TNS3: variants seen among roughly 807,000 people sequenced by gnomAD.
TNS3 encodes tensin 3, also known as tensin-3.
TNS3 carries 45 observed loss-of-function variants against 140.9 expected under a neutral mutation model. The observed-to-expected ratio is 0.32, with a 90% CI of 0.25 to 0.41. TNS3 has a LOEUF of 0.41. Ranked by LOEUF, TNS3 falls within the 10% of genes least tolerant of loss-of-function variation. TNS3 has a pLI of 1.00. For missense variants in TNS3, 1,716 were observed against 1,906.7 expected (o/e 0.90, Z 1.86); for synonymous variants, 815 against 788.4 (o/e 1.03, Z -0.56).
In TNS3 at chr7:47,439,509, G is replaced by A. The variant is rs1419882680; in HGVS notation, c.128C>T (p.Ser43Phe). 1 of 1,613,780 alleles carries A rather than the reference G, an allele frequency of 6.2e-7. No individual in the cohort carries two copies. The highest frequency in any genetic ancestry group is 1.3e-5 in the African/African-American group (1 of 74,908). ...NLQEVTRMLK[S>F]KHGDNYLVLN... ...CACCAGGTAGTTGTCCCCGTGCTTGGACTTGAGCATGCGCGTGACCTCCTG... is the reference window on the plus strand; with the variant it reads ...CACCAGGTAGTTGTCCCCGTGCTTGAACTTGAGCATGCGCGTGACCTCCTG... Residue 43 changes from serine (S) to phenylalanine (F), a missense_variant, in exon 6 of 31, where the codon TCC becomes TTC. Coordinates refer to ENST00000311160, the MANE Select transcript of TNS3 (RefSeq NM_022748.12).
intron 8 of TNS3, among the ~76,000 whole-genome samples, chr7:47,430,948 C>A (rs1306428116): frequency 6.6e-6 from 1 of 152,020 alleles, no homozygotes; most frequent in Non-Finnish European, 1.5e-5. Context: ...GTCTCGAACT[C>A]CTGACCTCAG....
At chr7:47,288,181 G>A (rs1428520149) in intron 27 of TNS3, among the ~76,000 whole-genome samples, 2 of 152,148 alleles carry the variant, frequency 1.3e-5, no homozygotes, top group African/African-American at 2.4e-5. Flanking sequence ...GAGACAATAT[G>A]GGCACAGCTG....
Position 47,303,231 on chromosome 7 carries a change from C to T in TNS3, c.3176G>A (p.Gly1059Glu), listed in dbSNP as rs757840955. The change falls in exon 22 of 31, where the codon GGG becomes GAG. Residue 1059 changes from glycine to glutamate, a missense_variant. Gly to Glu is a moderately conservative substitution (Grantham distance 98). This residue lies in a region of TNS3 where 1,163 missense variants were observed against 1,182.1 expected (regional missense o/e 0.98). Transcript: ENST00000311160. Reference sequence around the variant, plus strand: ...GGACAGGAAGCCATTGTCGGCAGCCCCTGTCGCTGTCAGCGGGATGCTGGG... The same window carrying T: ...GGACAGGAAGCCATTGTCGGCAGCCTCTGTCGCTGTCAGCGGGATGCTGGG... Reference protein sequence around the residue: ...PTPSIPLTATGAADNGFLSHN... With the variant: ...PTPSIPLTATEAADNGFLSHN... 6.2e-7 allele frequency: 1 copy of T among 1,613,776 alleles called. No homozygotes were observed. Among genetic ancestry groups the T allele is most frequent in the East Asian group, 2.2e-5 (1 of 44,868 alleles).
intron 20 of TNS3, among the ~76,000 whole-genome samples, chr7:47,306,319 C>G (rs927506761): frequency 6.6e-5 from 10 of 152,176 alleles, no homozygotes; most frequent in African/African-American, 2.2e-4. Context: ...CCTCCACATA[C>G]AGGATGTAAT....
At chr7:47,548,054 T>C (rs670704) in intron 1 of TNS3, among the ~76,000 whole-genome samples, 150,087 of 152,290 alleles carry the variant, frequency 0.99, 73,984 homozygotes, top group East Asian at 1. Context: ...GCATGCACCA[T>C]CACACCCGGC....
chr7:47,441,845 G>A (rs1795480532), intron 5 of TNS3, among the ~76,000 whole-genome samples, 158 bp downstream of exon 5: 1 of 152,150 alleles, frequency 6.6e-6, no homozygotes, highest in African/African-American at 2.4e-5. Context: ...GAAACGGACA[G>A]AAAACCTGGC....
intron 1 of TNS3, among the ~76,000 whole-genome samples, chr7:47,530,014 A>G (rs751429339): frequency 1.4e-4 from 22 of 152,254 alleles, no homozygotes; most frequent in Admixed American, 2.6e-4. Flanking sequence ...ATTTCTTATA[A>G]ACTTAAACAT....
chr7:47,341,504 A>G (rs1261466693), intron 20 of TNS3, among the ~76,000 whole-genome samples: 5 of 152,154 alleles, frequency 3.3e-5, no homozygotes, highest in South Asian at 4.2e-4. Flanking sequence ...TAAGTTTTAA[A>G]AACTATGCAT....
At chr7:47,453,858 G>A (rs1017634059) in intron 4 of TNS3, among the ~76,000 whole-genome samples, 6 of 152,196 alleles carry the variant, frequency 3.9e-5, no homozygotes, top group East Asian at 1.9e-4. Flanking sequence ...TGGCCAGCCC[G>A]GGCCACATCG....
chr7:47,291,725 AT>A (rs1785714198), intron 27 of TNS3, among the ~76,000 whole-genome samples: 1 of 152,206 alleles, frequency 6.6e-6, no homozygotes, highest in Admixed American at 6.5e-5. Context: ...CTTGACATTT[AT>A]TCCACTGAAT....
chr7:47,492,840 G>A (rs1364324301), intron 3 of TNS3, among the ~76,000 whole-genome samples: 1 of 152,250 alleles, frequency 6.6e-6, no homozygotes, highest in Non-Finnish European at 1.5e-5. Context: ...GCTGAGAAAG[G>A]CGGGGTTCCG....
At chr7:47,383,031 A>T (rs1161064105) in intron 16 of TNS3, among the ~76,000 whole-genome samples, 1 of 152,218 alleles carries the variant, frequency 6.6e-6, no homozygotes, top group Non-Finnish European at 1.5e-5. Flanking sequence ...AATTAGAAGG[A>T]TGAGAAAAGA....
chr7:47,310,355 G>A (rs1787017131), intron 20 of TNS3, among the ~76,000 whole-genome samples: 1 of 152,062 alleles, frequency 6.6e-6, no homozygotes, highest in Non-Finnish European at 1.5e-5. Flanking sequence ...CTAGGAAGAG[G>A]GGCCTTTGCA....
At chr7:47,477,935 C>T (rs1446713155) in intron 4 of TNS3, among the ~76,000 whole-genome samples, 1 of 152,138 alleles carries the variant, frequency 6.6e-6, no homozygotes, top group Non-Finnish European at 1.5e-5. Flanking sequence ...GCTGCCACGT[C>T]CATCCTTCCA....
In TNS3 at chr7:47,277,756, C is replaced by T. The variant is rs983046027; in HGVS notation, c.*320G>A. On this transcript the variant is annotated 3_prime_UTR_variant, in exon 31 of 31. Transcript: ENST00000311160. Reference sequence around the variant, plus strand: ...GCTAGTGTGCCAGGGACATGGGGACCACCTCGTGTTCTGTGCTGTTTCCTT... The same window carrying T: ...GCTAGTGTGCCAGGGACATGGGGACTACCTCGTGTTCTGTGCTGTTTCCTT... 4 of 391,624 alleles carry T rather than the reference C, an allele frequency of 1.0e-5. No individual in the cohort carries two copies. Among genetic ancestry groups the T allele is most frequent in the African/African-American group, 4.1e-5 (2 of 48,302 alleles). 24.3% of individuals were successfully genotyped at this position (391,624 alleles called of 1,614,324 possible).
At chr7:47,381,687 T>C (rs1414121054) in intron 16 of TNS3, among the ~76,000 whole-genome samples, 1 of 152,196 alleles carries the variant, frequency 6.6e-6, no homozygotes, top group East Asian at 1.9e-4. Context: ...CACATTGGCA[T>C]ATGTCGCTTA....
chr7:47,547,818 C>A (rs1280259577), intron 1 of TNS3, among the ~76,000 whole-genome samples: 1 of 152,228 alleles, frequency 6.6e-6, no homozygotes, highest in Non-Finnish European at 1.5e-5. Flanking sequence ...CACTGCAGTT[C>A]ACCAGCTCAT....
At chr7:47,280,409 T>TG in intron 28 of TNS3, 55 bp from the exon 29 acceptor site, 1 of 1,541,826 alleles carries the variant, frequency 6.5e-7, no homozygotes, top group Non-Finnish European at 9.0e-7. Context: ...TTTTGGGTGA[T>TG]GGGGGATGCA....
intron 4 of TNS3, chr7:47,470,642 A>ACCACAGAC: frequency 1.0e-6 from 1 of 985,438 alleles, no homozygotes; most frequent in African/African-American, 1.7e-5. Flanking sequence ...GCAACCCTGA[A>ACCACAGAC]CCACAGACGC....
Sources: gnomAD v4.1 joint callset for allele counts (sites outside exome capture counted in the v4.1 genomes callset) on GRCh38, gnomAD v4.1.1 for gene constraint, gnomAD v4.1.1 regional missense constraint, MANE v1.5 for transcripts, NCBI Gene and HGNC (gene_info 2026-07-23, HGNC 2026-07-21) for gene names.